FMNL2: variants seen among roughly 807,000 people sequenced by gnomAD.
FMNL2 encodes formin-like protein 2.
In FMNL2, 51 loss-of-function variants were observed where a neutral mutation model predicts 130.2. That is an observed-to-expected ratio of 0.39 (90% confidence interval 0.31 to 0.49). FMNL2 has a LOEUF of 0.49. FMNL2 is among the 20% of genes least tolerant of loss of function. The pLI, the probability that FMNL2 is intolerant of heterozygous loss-of-function variation, is 0.85. For missense variants in FMNL2, 977 were observed against 1,316.2 expected, an observed-to-expected ratio of 0.74 and a Z score of 3.99; for synonymous variants, 465 against 467.1, an observed-to-expected ratio of 1.00 and a Z score of 0.06.
At chr2:152,394,284 T>A (rs1334147141) in intron 1 of FMNL2, among the ~76,000 whole-genome samples, 1 of 152,200 alleles carries the variant, frequency 6.6e-6, no homozygotes, top group Non-Finnish European at 1.5e-5. Flanking sequence ...CTTTTATTCA[T>A]GTGGAATCTA....
At chr2:152,457,561 T>A (rs1689022612) in intron 1 of FMNL2, among the ~76,000 whole-genome samples, 1 of 152,170 alleles carries the variant, frequency 6.6e-6, no homozygotes, top group Non-Finnish European at 1.5e-5. Flanking sequence ...CTCTCTCAAC[T>A]CTTTGTGGTG....
At chr2:152,338,646 A>G (rs1305014151) in intron 1 of FMNL2, among the ~76,000 whole-genome samples, 2 of 152,190 alleles carry the variant, frequency 1.3e-5, no homozygotes, top group Non-Finnish European at 2.9e-5. Context: ...AGTGACTAGC[A>G]AAAATTGGAT....
chr2:152,434,873 G>A (rs1208285063), intron 1 of FMNL2, among the ~76,000 whole-genome samples: 2 of 152,036 alleles, frequency 1.3e-5, no homozygotes, highest in African/African-American at 4.8e-5. Flanking sequence ...GCATTAATGT[G>A]ATACTAATCC....
At chr2:152,383,190 T>C (rs1684579766) in intron 1 of FMNL2, among the ~76,000 whole-genome samples, 1 of 151,556 alleles carries the variant, frequency 6.6e-6, no homozygotes, top group Admixed American at 6.6e-5. Context: ...TTTACCTCCC[T>C]TGGAAACACT....
chr2:152,533,744 C>CAT (rs1017957257), intron 2 of FMNL2, among the ~76,000 whole-genome samples: 1 of 152,030 alleles, frequency 6.6e-6, no homozygotes, highest in African/African-American at 2.4e-5. Context: ...GATCTATGAA[C>CAT]ATGGTACTCT....
chr2:152,639,942 C>G lies in FMNL2; in HGVS notation c.2947-16C>G. On this transcript the variant is annotated splice_polypyrimidine_tract_variant and intron_variant, in intron 23 of 25. Transcript: ENST00000288670. ...TTCCATTAACATCATCTTTCTGGTT[C>G]TTTTGATTTACCCAGCAAGCAGAAG... 1 of 1,536,010 alleles carries G rather than the reference C, an allele frequency of 6.5e-7. No homozygotes were observed. Among genetic ancestry groups the G allele is most frequent in the Non-Finnish European group, 8.7e-7 (1 of 1,143,346 alleles).
chr2:152,417,264 G>T lies in FMNL2; in HGVS notation c.117+81544G>T, dbSNP rs560021331. Reference sequence around the variant, plus strand: ...CTGCTCCTTTAGGGCCAGTGATTGAGAGGTGTCTGTTGGAGGTTGGTGTTG... The same window carrying T: ...CTGCTCCTTTAGGGCCAGTGATTGATAGGTGTCTGTTGGAGGTTGGTGTTG... On this transcript the variant is annotated intron_variant, in intron 1 of 25. Transcript: ENST00000288670. Among the ~76,000 whole-genome samples the T allele has an allele frequency of 3.9e-5, 6 of 152,322 alleles. No individual in the cohort carries two copies. The South Asian group carries it at 1.2e-3, about 32-fold the overall frequency.
chr2:152,428,073 A>G (rs1198278035), intron 1 of FMNL2, among the ~76,000 whole-genome samples: 1 of 152,240 alleles, frequency 6.6e-6, no homozygotes, highest in East Asian at 1.9e-4. Context: ...CCCCCTTTGT[A>G]AAAGGCAACA....
At chr2:152,444,170 G>A (rs566214952) in intron 1 of FMNL2, among the ~76,000 whole-genome samples, 1 of 152,270 alleles carries the variant, frequency 6.6e-6, no homozygotes, top group South Asian at 2.1e-4. Context: ...GTAGAGGGTG[G>A]GGTAGCTGGG....
intron 1 of FMNL2, among the ~76,000 whole-genome samples, chr2:152,355,298 T>G (rs1196535434): frequency 6.6e-6 from 1 of 152,162 alleles, no homozygotes; most frequent in Non-Finnish European, 1.5e-5. Context: ...AGAAACAAAA[T>G]TGGGAGTTAG....
chr2:152,590,018 T>C (rs1232523397), intron 9 of FMNL2, among the ~76,000 whole-genome samples: 2 of 139,436 alleles, frequency 1.4e-5, no homozygotes, highest in African/African-American at 2.8e-5. Context: ...TACATATACA[T>C]ATATATATAC....
intron 1 of FMNL2, among the ~76,000 whole-genome samples, chr2:152,454,309 A>G (rs1468360887): frequency 1.3e-5 from 2 of 152,156 alleles, no homozygotes; most frequent in Non-Finnish European, 2.9e-5. Context: ...TTTTCTTTGC[A>G]GTTGGGAAAA....
intron 7 of FMNL2, 54 bp from the exon 8 acceptor site, chr2:152,578,834 C>G: frequency 6.7e-7 from 1 of 1,483,086 alleles, no homozygotes; most frequent in Non-Finnish European, 9.2e-7. Context: ...CTGACAGTTC[C>G]CTAACTTGTC....
At chr2:152,481,404 T>C (rs1000743130) in intron 1 of FMNL2, among the ~76,000 whole-genome samples, 1 of 152,262 alleles carries the variant, frequency 6.6e-6, no homozygotes, top group African/African-American at 2.4e-5. Flanking sequence ...GACTTCGATA[T>C]AGCACTTTCA....
chr2:152,390,231 A>G (rs994048220), intron 1 of FMNL2: 65 of 1,454,224 alleles, frequency 4.5e-5, no homozygotes, highest in African/African-American at 9.7e-5. Flanking sequence ...AGGGAAGGAC[A>G]TGGTGGTGGA....
At chr2:152,391,441 T>A (rs1221242527) in intron 1 of FMNL2, among the ~76,000 whole-genome samples, 4 of 152,068 alleles carry the variant, frequency 2.6e-5, no homozygotes, top group Non-Finnish European at 5.9e-5. Context: ...CATAGAGAGC[T>A]GGGAGGAGTG....
intron 7 of FMNL2, among the ~76,000 whole-genome samples, chr2:152,577,464 C>G (rs1696540067): frequency 6.6e-6 from 1 of 152,034 alleles, no homozygotes. Flanking sequence ...TGGAGTTAGA[C>G]ATTTGAGAGT....
Position 152,537,432 on chromosome 2 carries a change from A to C in FMNL2, c.202-5307A>C, listed in dbSNP as rs1361056031. 2.0e-5 allele frequency among the ~76,000 whole-genome samples: 3 copies of C among 152,112 alleles called. No homozygotes were observed. The East Asian group carries it at 5.8e-4, about 29-fold the overall frequency. ...CTTAGGGGATTGGGTTAATGAGGAA[A>C]CGTATGGTTATGAAAGGCATTAGAC... On this transcript the variant is annotated intron_variant, in intron 2 of 25. Transcript: ENST00000288670.
chr2:152,629,615 ATG>A, intron 18 of FMNL2, 39 bp from the exon 19 acceptor site: 1 of 1,538,828 alleles, frequency 6.5e-7, no homozygotes, highest in Non-Finnish European at 8.8e-7. Context: ...CATTTTTAAC[ATG>A]TCTTTTTTCC....
Sources: allele counts gnomAD v4.1 joint callset (sites outside exome capture counted in the v4.1 genomes callset), GRCh38; gene constraint gnomAD v4.1.1; transcripts MANE v1.5; gene names NCBI Gene and HGNC (gene_info 2026-07-23, HGNC 2026-07-21).